The following NWD1 variants were observed in gnomAD, a reference collection of about 807,000 sequenced individuals.
NWD1 encodes the protein NACHT domain- and WD repeat-containing protein 1.
NWD1 carries 129 observed loss-of-function variants against 135.1 expected under a neutral mutation model. The observed-to-expected ratio is 0.96, with a 90% CI of 0.83 to 1.11. The LOEUF is 1.11. Ranked by LOEUF, NWD1 falls within the 50% of genes least tolerant of loss-of-function variation. The pLI is 0.00. For missense variants in NWD1, 1,740 were observed against 1,851.3 expected (o/e 0.94, Z 1.10); for synonymous variants, 773 against 786.0 (o/e 0.98, Z 0.28).
At position 16,731,304 on chromosome 19, in the gene NWD1, A is replaced by G. The variant is rs377377022; in HGVS notation, c.81+26A>G. The G allele has an allele frequency of 1.4e-4, 198 of 1,406,124 alleles. 1 individual carries two copies. In the African/African-American group the frequency reaches 2.5e-3, roughly 18 times the overall value. The allele number at this position is 1,406,124 out of a possible 1,614,324, so 87.1% of individuals were successfully genotyped here. A position where few individuals can be genotyped will look rare whatever the true frequency, so the allele number is the denominator to read the frequency against. ...GTAACTGGAAGTCACTCCGGGCTCC[A>G]TGCTTTTTTTATTTTTTTTTGACAC... On this transcript the variant is annotated intron_variant, in intron 3 of 18. Transcript: ENST00000524140.
rs7250251 is a variant in NWD1 at position 16,798,708 on chromosome 19, C to T, written c.3459+822C>T. Among the ~76,000 whole-genome samples the T allele has an allele frequency of 5.5e-3, 836 of 152,216 alleles. 5 individuals are homozygous for T. The highest frequency in any genetic ancestry group is 0.019 in the African/African-American group (806 of 41,544). Reference sequence around the variant, plus strand: ...GTGGCATGATCTCAGCTCACTGCAACCTCGACCTCCTGGGTTCAAGCAATT... The same window carrying T: ...GTGGCATGATCTCAGCTCACTGCAATCTCGACCTCCTGGGTTCAAGCAATT... On this transcript the variant is annotated intron_variant, in intron 16 of 18. Transcript: ENST00000524140.
rs1310609941 is a variant in NWD1 at position 16,791,391 on chromosome 19, T to C, written c.2982T>C (p.His994=). ...TGGAAACTGCAGAGCCGGTATTCCA[T>C]ATCCTGGGAGATGCCTCTGATCCTT... ...WNLETAEPVF[H]ILGDASDPWM... is the part of the protein sequence containing the mutation. Residue 994 remains histidine (H), a synonymous_variant, in exon 14 of 19, where the codon CAT becomes CAC. Coordinates refer to ENST00000524140, the MANE Select transcript of NWD1 (RefSeq NM_001007525.5). 1 of 1,614,084 alleles carries C rather than the reference T, an allele frequency of 6.2e-7. No individual in the cohort carries two copies. The highest frequency in any genetic ancestry group is 1.1e-5 in the South Asian group (1 of 91,076).
intron 14 of NWD1, 77 bp downstream of exon 14, chr19:16,791,699 A>C: frequency 2.1e-6 from 3 of 1,401,692 alleles, no homozygotes; most frequent in Non-Finnish European, 3.0e-6. Context: ...GTTGGGAAAA[A>C]TAATCTTGCC....
chr19:16,731,192 A>C lies in NWD1; in HGVS notation c.-6A>C. On this transcript the variant is annotated splice_region_variant and 5_prime_UTR_variant, in exon 3 of 19. Transcript: ENST00000524140. ...ATACCCTCCATGCCCTTCCTTGCAG[A>C]TATGGATGCAGAGAGGGAAGCCCTG... 6.6e-7 allele frequency: 1 copy of C among 1,517,030 alleles called. No homozygotes were observed. Among genetic ancestry groups the C allele is most frequent in the Non-Finnish European group, 8.9e-7 (1 of 1,129,496 alleles). 94.0% of individuals were successfully genotyped at this position (1,517,030 alleles called of 1,614,324 possible).
At chr19:16,754,901 A>G (rs1373161531) in intron 6 of NWD1, among the ~76,000 whole-genome samples, 1 of 152,116 alleles carries the variant, frequency 6.6e-6, no homozygotes, top group Non-Finnish European at 1.5e-5. Context: ...CGTCATATCT[A>G]TCTATCTATG....
At chr19:16,788,866 T>C in intron 12 of NWD1, 116 bp from the exon 13 acceptor site, 1 of 742,874 alleles carries the variant, frequency 1.3e-6, no homozygotes. Flanking sequence ...ACAATTCAAT[T>C]CCATCCATCT....
intron 17 of NWD1, among the ~76,000 whole-genome samples, chr19:16,803,300 C>T (rs1305900901): frequency 1.3e-5 from 2 of 152,048 alleles, no homozygotes; most frequent in African/African-American, 4.8e-5. Context: ...AGTTACCCAG[C>T]CTCAGGTAGT....
At chr19:16,735,805 G>A (rs1967773840) in intron 3 of NWD1, among the ~76,000 whole-genome samples, 1 of 45,820 alleles carries the variant, frequency 2.2e-5, no homozygotes, top group Non-Finnish European at 4.4e-5. Flanking sequence ...AAGGAAGGAA[G>A]GAAGGAAGGA....
At chr19:16,810,276 A>G (rs965718964) in intron 18 of NWD1, among the ~76,000 whole-genome samples, 5 of 151,726 alleles carry the variant, frequency 3.3e-5, no homozygotes, top group African/African-American at 1.2e-4. Flanking sequence ...TGTCTCTACT[A>G]AAAATACAAA....
At chr19:16,738,470 G>A (rs1035267465) in intron 4 of NWD1, among the ~76,000 whole-genome samples, 1 of 150,824 alleles carries the variant, frequency 6.6e-6, no homozygotes, top group African/African-American at 2.4e-5. Flanking sequence ...TTGGGAAGCT[G>A]AGGCAGGATA....
At chr19:16,738,614 A>G (rs111900530) in intron 4 of NWD1, among the ~76,000 whole-genome samples, 34 of 145,662 alleles carry the variant, frequency 2.3e-4, no homozygotes, top group African/African-American at 8.9e-4. Flanking sequence ...GAGATATTCT[A>G]TTTTCTGAGA....
chr19:16,814,933 A>G, intron 18 of NWD1, 95 bp from the exon 19 acceptor site: 1 of 1,076,184 alleles, frequency 9.3e-7, no homozygotes, highest in Non-Finnish European at 1.4e-6. Context: ...AGGGCATAGC[A>G]GGAATTTTAT....
At chr19:16,743,773 C>T (rs1336663743) in intron 4 of NWD1, among the ~76,000 whole-genome samples, 1 of 152,054 alleles carries the variant, frequency 6.6e-6, no homozygotes, top group Non-Finnish European at 1.5e-5. Flanking sequence ...ACCTCCCTCT[C>T]CCGGGTTCAA....
At chr19:16,743,823 C>T (rs2122769319) in intron 4 of NWD1, among the ~76,000 whole-genome samples, 1 of 152,160 alleles carries the variant, frequency 6.6e-6, no homozygotes, top group African/African-American at 2.4e-5. Flanking sequence ...GCTGGGATTA[C>T]AGGCACCTAC....
intron 3 of NWD1, among the ~76,000 whole-genome samples, chr19:16,731,920 T>A (rs1236224594): frequency 4.0e-5 from 6 of 151,858 alleles, no homozygotes; most frequent in African/African-American, 1.5e-4. Context: ...CTTGGGACTA[T>A]AAAAAGGCAG....
At chr19:16,760,953 C>T (rs1568360245) in intron 7 of NWD1, among the ~76,000 whole-genome samples, 1 of 152,162 alleles carries the variant, frequency 6.6e-6, no homozygotes, top group African/African-American at 2.4e-5. Flanking sequence ...CCCCTCACCT[C>T]TGTCTAGTTC....
At chr19:16,725,717 T>A (rs965230802) in intron 2 of NWD1, among the ~76,000 whole-genome samples, 1 of 148,854 alleles carries the variant, frequency 6.7e-6, no homozygotes, top group Non-Finnish European at 1.5e-5. Context: ...CATGCCTGGC[T>A]TATTTCTGTA....
At chr19:16,769,971 G>A (rs544174186) in intron 10 of NWD1, among the ~76,000 whole-genome samples, 6 of 152,238 alleles carry the variant, frequency 3.9e-5, no homozygotes, top group East Asian at 3.9e-4. Flanking sequence ...CCAAGTAGCT[G>A]GGACCACAGG....
intron 6 of NWD1, among the ~76,000 whole-genome samples, chr19:16,755,494 T>G (rs1034939860): frequency 6.6e-6 from 1 of 152,164 alleles, no homozygotes; most frequent in Non-Finnish European, 1.5e-5. Flanking sequence ...GTTCAAATGA[T>G]TCTCATGTCT....
Sources: allele counts gnomAD v4.1 joint callset (sites outside exome capture counted in the v4.1 genomes callset), GRCh38; gene constraint gnomAD v4.1.1; transcripts MANE v1.5; gene names NCBI Gene and HGNC (gene_info 2026-07-23, HGNC 2026-07-21).